The following MACROD2 variants were observed in gnomAD, a reference collection of about 807,000 sequenced individuals.
The protein encoded by MACROD2 is mono-ADP ribosylhydrolase 2.
A neutral mutation model predicts 70.4 loss-of-function variants in MACROD2; 36 were observed. That is an observed-to-expected ratio of 0.51 (90% CI 0.39 to 0.68). MACROD2 has a LOEUF of 0.68. Among genes scored for constraint, MACROD2 ranks in the 30% least tolerant of loss-of-function variants. The pLI is 0.00. For missense variants in MACROD2, 496 were observed against 538.4 expected (o/e 0.92, Z 0.78); for synonymous variants, 172 against 178.8 (o/e 0.96, Z 0.30).
At chr20:15,851,402 T>G (rs939876860) in intron 8 of MACROD2, among the ~76,000 whole-genome samples, 4 of 151,942 alleles carry the variant, frequency 2.6e-5, no homozygotes, top group Non-Finnish European at 5.9e-5. Flanking sequence ...AATATGAAGG[T>G]GTCAGCAGGG....
At chr20:16,025,885 C>T (rs2067072019) in intron 15 of MACROD2, among the ~76,000 whole-genome samples, 1 of 151,958 alleles carries the variant, frequency 6.6e-6, no homozygotes, top group African/African-American at 2.4e-5. Context: ...GTGGCTCACA[C>T]CTGTAATCCC....
At chr20:14,536,355 C>T (rs116058170) in intron 4 of MACROD2, among the ~76,000 whole-genome samples, 1,569 of 152,088 alleles carry the variant, frequency 0.01, 20 homozygotes, top group African/African-American at 0.035. Context: ...GAAGGAAAAT[C>T]CATAGCCTGA....
chr20:15,156,414 C>CT (rs1485054204), intron 5 of MACROD2, among the ~76,000 whole-genome samples: 4 of 152,146 alleles, frequency 2.6e-5, no homozygotes, highest in Non-Finnish European at 1.5e-5. Context: ...TGGTAATCCA[C>CT]TTTTTTTCCC....
chr20:15,521,639 C>T (rs1436446433), intron 8 of MACROD2, among the ~76,000 whole-genome samples: 1 of 152,184 alleles, frequency 6.6e-6, no homozygotes, highest in Non-Finnish European at 1.5e-5. Context: ...GTATGGCACA[C>T]ATTTACTTTC....
At chr20:14,716,550 G>A (rs745776090) in intron 5 of MACROD2, among the ~76,000 whole-genome samples, 2 of 152,114 alleles carry the variant, frequency 1.3e-5, no homozygotes, top group Admixed American at 6.5e-5. Flanking sequence ...AAAATCCACC[G>A]TGGTTCTTTT....
chr20:14,607,236 A>T (rs1051497813), intron 4 of MACROD2, among the ~76,000 whole-genome samples: 1 of 152,120 alleles, frequency 6.6e-6, no homozygotes. Context: ...GGTTCCTTTC[A>T]TGTAAAGGTG....
At chr20:14,713,579 G>A (rs57469862) in intron 5 of MACROD2, among the ~76,000 whole-genome samples, 183 of 152,176 alleles carry the variant, frequency 1.2e-3, no homozygotes, top group African/African-American at 4.0e-3. Context: ...CTGATTTCCT[G>A]GGCCAAGGTA....
chr20:14,323,694 A>G (rs2082690529), intron 3 of MACROD2: 2 of 152,204 alleles, frequency 1.3e-5, no homozygotes, highest in Admixed American at 1.3e-4. Context: ...ATGAAAATAT[A>G]TCACTTTGAA....
chr20:14,141,538 G>T (rs1035062623), intron 3 of MACROD2, among the ~76,000 whole-genome samples: 1 of 152,054 alleles, frequency 6.6e-6, no homozygotes, highest in Admixed American at 6.6e-5. Context: ...CTGAGGTTAG[G>T]AGTTCGGGAC....
chr20:15,076,186 A>G (rs2075656997), intron 5 of MACROD2, among the ~76,000 whole-genome samples: 3 of 152,250 alleles, frequency 2.0e-5, no homozygotes, highest in Middle Eastern at 3.4e-3. Flanking sequence ...TATATCACCA[A>G]TATTTTTAAT....
In MACROD2 at chr20:16,031,764, G is replaced by C. The variant is rs1344413263; in HGVS notation, c.1154-9437G>C. ...ACATTTGCTAGTACCTGCTAATAAA[G>C]TATGTACGTATTATAAATACATATA... On this transcript the variant is annotated intron_variant, in intron 15 of 17. Transcript: ENST00000684519. 5.3e-5 allele frequency among the ~76,000 whole-genome samples: 8 copies of C among 152,160 alleles called. No individual in the cohort carries two copies. The East Asian group carries it at 1.5e-3, about 29-fold the overall frequency.
chr20:14,463,780 T>C (rs1206444691), intron 3 of MACROD2, among the ~76,000 whole-genome samples: 1 of 152,132 alleles, frequency 6.6e-6, no homozygotes, highest in African/African-American at 2.4e-5. Flanking sequence ...TTTCTGCATC[T>C]ATTGAGATAA....
chr20:15,190,087 T>G (rs575764786), intron 5 of MACROD2, among the ~76,000 whole-genome samples: 3 of 152,336 alleles, frequency 2.0e-5, no homozygotes, highest in African/African-American at 7.2e-5. Context: ...CCTCTTGTGA[T>G]GTATATTTAA....
At chr20:14,296,211 G>GCATTAATACAA (rs2082426712) in intron 3 of MACROD2, among the ~76,000 whole-genome samples, 2 of 151,746 alleles carry the variant, frequency 1.3e-5, no homozygotes, top group Non-Finnish European at 2.9e-5. Flanking sequence ...TTAATACTTA[G>GCATTAATACAA]GATACAATGA....
At chr20:14,395,654 T>G (rs375620270) in intron 3 of MACROD2, among the ~76,000 whole-genome samples, 1 of 152,298 alleles carries the variant, frequency 6.6e-6, no homozygotes, top group East Asian at 1.9e-4. Context: ...CTCTTCTTTT[T>G]CTGGTTTCTT....
chr20:15,623,739 T>C (rs1294978228), intron 8 of MACROD2, among the ~76,000 whole-genome samples: 1 of 151,546 alleles, frequency 6.6e-6, no homozygotes, highest in Non-Finnish European at 1.5e-5. Flanking sequence ...TATGTATCTA[T>C]GTATCTATCA....
At chr20:14,796,407 A>G (rs535009568) in intron 5 of MACROD2, among the ~76,000 whole-genome samples, 1 of 152,246 alleles carries the variant, frequency 6.6e-6, no homozygotes, top group African/African-American at 2.4e-5. Flanking sequence ...CTGAATAACC[A>G]TAAGAATGAT....
intron 4 of MACROD2, among the ~76,000 whole-genome samples, chr20:14,570,901 T>G (rs1980148195): frequency 6.6e-6 from 1 of 151,974 alleles, no homozygotes; most frequent in Non-Finnish European, 1.5e-5. Flanking sequence ...CAGCCAAGAA[T>G]GATGTAGCCT....
intron 2 of MACROD2, among the ~76,000 whole-genome samples, chr20:14,009,162 C>T (rs1011700309): frequency 6.6e-6 from 1 of 152,170 alleles, no homozygotes; most frequent in Admixed American, 6.5e-5. Flanking sequence ...AAGAAACTCT[C>T]AGCATGAACA....
Sources: allele counts gnomAD v4.1 joint callset (sites outside exome capture counted in the v4.1 genomes callset), GRCh38; gene constraint gnomAD v4.1.1; transcripts MANE v1.5; gene names NCBI Gene and HGNC (gene_info 2026-07-23, HGNC 2026-07-21).